Variants in SRPK2 observed in about 807,000 individuals in gnomAD.
SRPK2 encodes the protein SFRS protein kinase 2.
Under a neutral mutation model 90.8 loss-of-function variants are expected in SRPK2, and 21 were observed. The observed-to-expected ratio is 0.23, with a 90% CI of 0.16 to 0.33. The LOEUF is 0.33. SRPK2 is among the 10% of genes least tolerant of loss of function. The pLI is 1.00. For missense variants in SRPK2, 620 were observed against 869.0 expected (o/e 0.71, Z 3.60); for synonymous variants, 288 against 311.1 (o/e 0.93, Z 0.78).
intron 7 of SRPK2, among the ~76,000 whole-genome samples, chr7:105,149,469 A>G (rs1036799768): frequency 2.6e-5 from 4 of 151,630 alleles, no homozygotes; most frequent in African/African-American, 9.8e-5. Flanking sequence ...TGCTGAAATA[A>G]TGAAGATAAT....
At chr7:105,397,319 T>C (rs1822359722) in intron 1 of SRPK2, among the ~76,000 whole-genome samples, 2 of 149,904 alleles carry the variant, frequency 1.3e-5, no homozygotes, top group Admixed American at 6.7e-5. Flanking sequence ...CCCGACCCCC[T>C]TGAGTGACTT....
intron 2 of SRPK2, among the ~76,000 whole-genome samples, chr7:105,299,116 T>C (rs984645899): frequency 9.2e-5 from 14 of 152,216 alleles, no homozygotes; most frequent in Non-Finnish European, 1.9e-4. Flanking sequence ...CTTCCTCCTG[T>C]TGGAACTGAG....
chr7:105,230,292 G>C (rs1016747887), intron 2 of SRPK2, among the ~76,000 whole-genome samples: 11 of 152,214 alleles, frequency 7.2e-5, no homozygotes, highest in Admixed American at 2.6e-4. Context: ...GCAGTAACAA[G>C]AACAAAGGGC....
intron 15 of SRPK2, 47 bp from the exon 16 acceptor site, chr7:105,118,069 A>G (rs759919628): frequency 6.2e-7 from 1 of 1,600,062 alleles, no homozygotes; most frequent in African/African-American, 1.3e-5. Flanking sequence ...CCAAATCTGC[A>G]TTCCCCATTG....
intron 2 of SRPK2, among the ~76,000 whole-genome samples, chr7:105,366,694 T>G (rs1259754926): frequency 1.3e-5 from 2 of 152,212 alleles, no homozygotes; most frequent in Non-Finnish European, 2.9e-5. Context: ...ATTGCAATCC[T>G]GCACCCACAT....
chr7:105,146,447 C>G (rs768756253), intron 8 of SRPK2, 46 bp downstream of exon 8: 1 of 1,586,010 alleles, frequency 6.3e-7, no homozygotes, highest in Non-Finnish European at 8.6e-7. Flanking sequence ...ACTTTGCAAG[C>G]TCCCAATGCC....
intron 6 of SRPK2, among the ~76,000 whole-genome samples, chr7:105,164,715 G>C (rs1808253963): frequency 6.6e-6 from 1 of 152,134 alleles, no homozygotes; most frequent in Non-Finnish European, 1.5e-5. Context: ...CAAATATATA[G>C]AGTGAAGGAA....
Position 105,268,889 on chromosome 7 carries a change from T to C in SRPK2, c.72-65104A>G. 8 of 1,580,160 alleles carry C rather than the reference T, an allele frequency of 5.1e-6. 1 individual carries two copies. The South Asian group carries it at 9.0e-5, about 18-fold the overall frequency. On this transcript the variant is annotated intron_variant, in intron 2 of 15. Coordinates refer to ENST00000393651, the MANE Select transcript of SRPK2 (RefSeq NM_182692.3). The stretch of plus-strand genomic sequence containing the variant: ...TGATTTCTGGAAAAATCAGAAAATA[T>C]TCACAACCAAGATTGCCTGCCCTTG...
intron 11 of SRPK2, among the ~76,000 whole-genome samples, chr7:105,136,370 TCTGA>T (rs1802807606): frequency 6.6e-6 from 1 of 152,224 alleles, no homozygotes; most frequent in South Asian, 2.1e-4. Context: ...TCACACCTCC[TCTGA>T]CTGAGTCACC....
At chr7:105,158,545 G>A (rs564744323) in intron 7 of SRPK2, among the ~76,000 whole-genome samples, 9 of 152,208 alleles carry the variant, frequency 5.9e-5, no homozygotes, top group Admixed American at 3.3e-4. Flanking sequence ...GAGCCACTGC[G>A]CCTGGCCAAA....
intron 3 of SRPK2, among the ~76,000 whole-genome samples, chr7:105,174,097 A>G (rs555174029): frequency 8.0e-5 from 12 of 150,810 alleles, no homozygotes; most frequent in Admixed American, 3.3e-4. Context: ...AAAAAAAAAA[A>G]CTCTTATCGG....
intron 2 of SRPK2, among the ~76,000 whole-genome samples, chr7:105,260,127 A>G (rs952540046): frequency 6.6e-6 from 1 of 152,222 alleles, no homozygotes; most frequent in Admixed American, 6.5e-5. Flanking sequence ...AAATTTTTAC[A>G]ATCTACCCAT....
At chr7:105,223,180 G>A (rs1455216912) in intron 2 of SRPK2, among the ~76,000 whole-genome samples, 3 of 152,078 alleles carry the variant, frequency 2.0e-5, no homozygotes, top group Non-Finnish European at 1.5e-5. Context: ...GGGCTCAAGC[G>A]CAATAAATCC....
At chr7:105,288,995 G>A (rs550217497) in intron 2 of SRPK2, among the ~76,000 whole-genome samples, 1 of 150,946 alleles carries the variant, frequency 6.6e-6, no homozygotes, top group East Asian at 2.0e-4. Flanking sequence ...GGAGGCTCAC[G>A]CCTGTAATCT....
At chr7:105,131,457 G>A (rs978448025) in intron 13 of SRPK2, among the ~76,000 whole-genome samples, 2 of 152,172 alleles carry the variant, frequency 1.3e-5, no homozygotes. Context: ...CTTGGTTTTT[G>A]ATATGGAAGA....
At chr7:105,190,460 C>G (rs1325017082) in intron 3 of SRPK2, among the ~76,000 whole-genome samples, 1 of 152,156 alleles carries the variant, frequency 6.6e-6, no homozygotes, top group Non-Finnish European at 1.5e-5. Flanking sequence ...TTCTCAAAGG[C>G]TTGTCATTGA....
chr7:105,369,924 G>C (rs546494732), intron 2 of SRPK2, among the ~76,000 whole-genome samples: 2 of 152,112 alleles, frequency 1.3e-5, no homozygotes, highest in Non-Finnish European at 2.9e-5. Context: ...CTACTCAGGA[G>C]GCTGAGGCAG....
intron 2 of SRPK2, among the ~76,000 whole-genome samples, chr7:105,378,668 C>T (rs932078700): frequency 6.6e-6 from 1 of 150,430 alleles, no homozygotes; most frequent in Non-Finnish European, 1.5e-5. Context: ...GAGGCTGAGG[C>T]AGGAGAATTG....
chr7:105,194,372 A>G (rs546787450), intron 3 of SRPK2, among the ~76,000 whole-genome samples: 4 of 152,046 alleles, frequency 2.6e-5, no homozygotes, highest in African/African-American at 9.7e-5. Context: ...GCAAAAAAGA[A>G]TAATAATTTA....
Sources: allele counts gnomAD v4.1 joint callset (sites outside exome capture counted in the v4.1 genomes callset), GRCh38; gene constraint gnomAD v4.1.1; transcripts MANE v1.5; gene names NCBI Gene and HGNC (gene_info 2026-07-23, HGNC 2026-07-21).